Variants in WDPCP observed in about 807,000 individuals in gnomAD.
WDPCP encodes WD repeat-containing and planar cell polarity effector protein fritz homolog.
WDPCP carries 71 observed loss-of-function variants against 93.1 expected under a neutral mutation model. That is an observed-to-expected ratio of 0.76 (90% CI 0.63 to 0.93). The LOEUF is 0.93. Among genes scored for constraint, WDPCP ranks in the 40% least tolerant of loss-of-function variants. WDPCP has a pLI of 0.00. For missense variants in WDPCP, 844 were observed against 887.4 expected, an observed-to-expected ratio of 0.95 and a Z score of 0.62; for synonymous variants, 315 against 315.0, an observed-to-expected ratio of 1.00 and a Z score of 0.00.
Position 63,212,925 on chromosome 2 carries a change from A to C in WDPCP, c.1916-38093T>G, listed in dbSNP as rs1007411764. ...ATCAATTCAACAAGAAGAGCTAACT[A>C]TCCTAAATATATATGCACCCAGTAC... On this transcript the variant is annotated intron_variant, in intron 14 of 17. Coordinates refer to ENST00000272321, the MANE Select transcript of WDPCP (RefSeq NM_015910.7). 2.6e-5 allele frequency among the ~76,000 whole-genome samples: 4 copies of C among 152,218 alleles called. 1 individual carries two copies. The highest frequency in any genetic ancestry group is 2.6e-4 in the Admixed American group (4 of 15,268).
chr2:63,292,144 AAAAAAAAG>A (rs1441723000), intron 13 of WDPCP, among the ~76,000 whole-genome samples: 2 of 151,490 alleles, frequency 1.3e-5, no homozygotes, highest in Non-Finnish European at 2.9e-5. Context: ...AAAAAAAAAA[AAAAAAAAG>A]AAAAAGAAAA....
chr2:63,731,045 C>A (rs111444093), intron 2 of WDPCP, among the ~76,000 whole-genome samples: 2 of 151,772 alleles, frequency 1.3e-5, no homozygotes, highest in Admixed American at 6.6e-5. Flanking sequence ...CCGAGGCGGG[C>A]GGATCACGAG....
intron 12 of WDPCP, among the ~76,000 whole-genome samples, chr2:63,358,618 G>A (rs759051789): frequency 6.6e-6 from 1 of 152,054 alleles, no homozygotes; most frequent in Non-Finnish European, 1.5e-5. Context: ...CATCACACCT[G>A]GCTAATTATT....
intron 14 of WDPCP, among the ~76,000 whole-genome samples, chr2:63,252,803 G>C (rs765514502): frequency 6.6e-6 from 1 of 152,146 alleles, no homozygotes; most frequent in Non-Finnish European, 1.5e-5. Context: ...GCCTGGATTG[G>C]AAAAATCAAT....
chr2:63,739,766 A>G (rs1669687976), intron 2 of WDPCP, among the ~76,000 whole-genome samples: 1 of 152,022 alleles, frequency 6.6e-6, no homozygotes, highest in Non-Finnish European at 1.5e-5. Context: ...TATTAATAAT[A>G]GCCATTCTGA....
chr2:63,553,692 G>T (rs1485585942), intron 1 of WDPCP, among the ~76,000 whole-genome samples: 2 of 151,758 alleles, frequency 1.3e-5, no homozygotes, highest in African/African-American at 2.4e-5. Context: ...TGGGTCATAG[G>T]GATATTCAAT....
intron 2 of WDPCP, among the ~76,000 whole-genome samples, chr2:63,706,584 G>T (rs1048325792): frequency 1.1e-4 from 16 of 150,162 alleles, no homozygotes; most frequent in South Asian, 4.2e-4. Flanking sequence ...TGAAATTCTG[G>T]GTTGAAAATT....
intron 14 of WDPCP, among the ~76,000 whole-genome samples, chr2:63,181,016 T>A (rs1674199156): frequency 6.6e-6 from 1 of 152,046 alleles, no homozygotes; most frequent in Non-Finnish European, 1.5e-5. Flanking sequence ...TTCAGTAGTG[T>A]AGGAGGTGGG....
intron 13 of WDPCP, among the ~76,000 whole-genome samples, chr2:63,294,621 T>C (rs1684708530): frequency 6.7e-6 from 1 of 148,746 alleles, no homozygotes; most frequent in African/African-American, 2.5e-5. Context: ...AATTCCCAGA[T>C]AAACCTAAAC....
chr2:63,515,684 C>T (rs1203841989), intron 1 of WDPCP, among the ~76,000 whole-genome samples: 1 of 152,166 alleles, frequency 6.6e-6, no homozygotes, highest in Non-Finnish European at 1.5e-5. Flanking sequence ...TATAGAGCCC[C>T]TACTATGTGT....
intron 2 of WDPCP, among the ~76,000 whole-genome samples, chr2:63,736,751 G>C (rs904813302): frequency 3.3e-5 from 5 of 151,250 alleles, no homozygotes; most frequent in Admixed American, 2.0e-4. Context: ...TGTTTTGAAA[G>C]AGAAAAAAAA....
chr2:63,400,787 C>A (rs1288793628), intron 10 of WDPCP, among the ~76,000 whole-genome samples: 1 of 152,120 alleles, frequency 6.6e-6, no homozygotes, highest in Non-Finnish European at 1.5e-5. Flanking sequence ...GGTACCAAAA[C>A]TGATATATAG....
intron 1 of WDPCP, among the ~76,000 whole-genome samples, chr2:63,530,180 T>G (rs556272143): frequency 6.6e-6 from 1 of 152,226 alleles, no homozygotes; most frequent in African/African-American, 2.4e-5. Context: ...TTTTGTAGGG[T>G]TTTTTGTGTC....
At chr2:63,680,331 C>T (rs1710477087) in intron 2 of WDPCP, among the ~76,000 whole-genome samples, 1 of 152,192 alleles carries the variant, frequency 6.6e-6, no homozygotes, top group African/African-American at 2.4e-5. Flanking sequence ...CTGATGCCAC[C>T]CCCTCCCCCA....
intron 2 of WDPCP, among the ~76,000 whole-genome samples, chr2:63,709,800 A>T (rs1482740400): frequency 1.3e-5 from 2 of 152,210 alleles, no homozygotes; most frequent in Admixed American, 1.3e-4. Context: ...ATTATTGAAG[A>T]TATTCAGGAG....
chr2:63,667,318 G>C (rs1710295582), intron 2 of WDPCP, among the ~76,000 whole-genome samples: 1 of 152,208 alleles, frequency 6.6e-6, no homozygotes. Flanking sequence ...CTCTAGGGCA[G>C]AACAGCGCTG....
At chr2:63,135,006 C>T (rs1670522322) in intron 17 of WDPCP, among the ~76,000 whole-genome samples, 1 of 152,090 alleles carries the variant, frequency 6.6e-6, no homozygotes, top group Non-Finnish European at 1.5e-5. Context: ...GCCTGTAGTG[C>T]TAGCTACCTG....
At chr2:63,402,953 A>T (rs1694264149) in intron 10 of WDPCP, among the ~76,000 whole-genome samples, 1 of 152,214 alleles carries the variant, frequency 6.6e-6, no homozygotes, top group African/African-American at 2.4e-5. Context: ...AATATAAATC[A>T]TTCTGCCATA....
intron 2 of WDPCP, among the ~76,000 whole-genome samples, chr2:63,748,922 A>T (rs1669837737): frequency 6.6e-6 from 1 of 152,090 alleles, no homozygotes; most frequent in Admixed American, 6.6e-5. Context: ...AGGCACTACA[A>T]GTCTGGGGTG....
Sources: gnomAD v4.1 joint callset for allele counts (sites outside exome capture counted in the v4.1 genomes callset) on GRCh38, gnomAD v4.1.1 for gene constraint, MANE v1.5 for transcripts, NCBI Gene and HGNC (gene_info 2026-07-23, HGNC 2026-07-21) for gene names.